Variants in UNC13B observed in about 807,000 individuals in gnomAD.
The protein encoded by UNC13B is protein unc-13 homolog B.
A neutral mutation model predicts 211.0 loss-of-function variants in UNC13B; 144 were observed. That is an observed-to-expected ratio of 0.68 (90% CI 0.60 to 0.78). UNC13B has a LOEUF of 0.78. Ranked by LOEUF, UNC13B falls within the 30% of genes least tolerant of loss-of-function variation. UNC13B has a pLI of 0.00. For missense variants in UNC13B, 1,777 were observed against 2,002.0 expected (o/e 0.89, Z 2.14); for synonymous variants, 709 against 725.8 (o/e 0.98, Z 0.37).
At chr9:35,259,274 T>G (rs1000528276) in intron 7 of UNC13B, among the ~76,000 whole-genome samples, 1 of 152,178 alleles carries the variant, frequency 6.6e-6, no homozygotes, top group South Asian at 2.1e-4. Context: ...TCATCTTTTT[T>G]TCTACATTTG....
chr9:35,378,390 A>T lies in UNC13B; in HGVS notation c.10159A>T (p.Thr3387Ser). 6.2e-7 allele frequency: 1 copy of T among 1,614,134 alleles called. No homozygotes were observed. Among genetic ancestry groups the T allele is most frequent in the Non-Finnish European group, 8.5e-7 (1 of 1,180,018 alleles). ...CAGCAAAACTAAGAAGCGTACCAAG[A>T]CCATTTTTGGAAACTTGAATCCTGT... ...QVSKTKKRTK[T>S]IFGNLNPVWE... Residue 3387 changes from threonine to serine, a missense_variant, in exon 17 of 40, where the codon ACC becomes TCC. Physicochemically the swap from Thr to Ser is moderately conservative, Grantham distance 58. Coordinates refer to ENST00000635942, the MANE Select transcript of UNC13B (RefSeq NM_001371189.2).
chr9:35,380,421 T>C (rs1349744302), intron 17 of UNC13B, 49 bp from the exon 18 acceptor site: 1 of 1,586,860 alleles, frequency 6.3e-7, no homozygotes, highest in African/African-American at 1.3e-5. Context: ...TAACAGGATT[T>C]GGCGCTACTG....
At chr9:35,204,957 T>C (rs1823555386) in intron 1 of UNC13B, among the ~76,000 whole-genome samples, 1 of 152,194 alleles carries the variant, frequency 6.6e-6, no homozygotes, top group African/African-American at 2.4e-5. Context: ...CCCACAAATC[T>C]CATGTTGAAT....
At position 35,364,508 on chromosome 9, in the gene UNC13B, C is replaced by T. The variant is rs1267307933; in HGVS notation, c.9415-2439C>T. On this transcript the variant is annotated intron_variant, in intron 11 of 39. Coordinates refer to ENST00000635942, the MANE Select transcript of UNC13B (RefSeq NM_001371189.2). ...TACTTATAGGACTGACTCTACTAAC[C>T]TTTCTGCCCTTTTTTCTGCTCTTTC... 6.5e-6 allele frequency: 10 copies of T among 1,535,806 alleles called. No homozygotes were observed. The South Asian group carries it at 9.5e-5, about 15-fold the overall frequency.
At chr9:35,364,091 T>G (rs1459519944) in intron 11 of UNC13B, among the ~76,000 whole-genome samples, 1 of 152,124 alleles carries the variant, frequency 6.6e-6, no homozygotes, top group East Asian at 1.9e-4. Context: ...CACCAGGGCC[T>G]TTGGAGTTTG....
chr9:35,339,708 C>T (rs187780480), intron 11 of UNC13B, among the ~76,000 whole-genome samples: 3 of 152,360 alleles, frequency 2.0e-5, no homozygotes, highest in South Asian at 2.1e-4. Context: ...GTGCTAACCA[C>T]GTCTTCTACT....
intron 11 of UNC13B, among the ~76,000 whole-genome samples, chr9:35,348,634 A>G (rs992163424): frequency 1.3e-5 from 2 of 152,090 alleles, no homozygotes; most frequent in Non-Finnish European, 2.9e-5. Context: ...TACTTTGTTG[A>G]CTCAGGGACT....
rs148288609 is a variant in UNC13B at position 35,204,416 on chromosome 9, G to T, written c.23-23599G>T. Among the ~76,000 whole-genome samples, 443 of 152,328 alleles carry T rather than the reference G, an allele frequency of 2.9e-3. 2 individuals are homozygous for T. The highest frequency in any genetic ancestry group is 4.9e-3 in the Non-Finnish European group (336 of 68,024). On this transcript the variant is annotated intron_variant, in intron 1 of 39. Transcript: ENST00000635942. ...GAGGGCCACTGTCTTTGAGAACCTA[G>T]AATGGTAGATCCATTGGCAACTTGC... is the stretch of plus-strand genomic sequence containing the variant.
intron 1 of UNC13B, among the ~76,000 whole-genome samples, chr9:35,220,034 CT>C (rs1376058721): frequency 6.6e-6 from 1 of 151,868 alleles, no homozygotes; most frequent in African/African-American, 2.4e-5. Flanking sequence ...TTAATTTTGT[CT>C]TTTTGTATGA....
rs778767174 is a variant in UNC13B, at chr9:35,399,680, T to A, written c.12287T>A (p.Leu4096His). The A allele has an allele frequency of 6.2e-7, 1 of 1,614,070 alleles. No homozygotes were observed. Residue 4096 changes from leucine to histidine, a missense_variant, in exon 36 of 40, where the codon CTC becomes CAC. Physicochemically the swap from Leu to His is moderately conservative, Grantham distance 99. Coordinates refer to ENST00000635942, the MANE Select transcript of UNC13B (RefSeq NM_001371189.2). ...ATGGTACGAGAGGAAACACGGAATC[T>A]CACTCCAAAGCAGTGTGCAGTCCTT... Reference protein sequence around the residue: ...DHMVREETRNLTPKQCAVLDL... With the variant: ...DHMVREETRNHTPKQCAVLDL...
chr9:35,207,165 G>T (rs538737725), intron 1 of UNC13B, among the ~76,000 whole-genome samples: 1 of 152,036 alleles, frequency 6.6e-6, no homozygotes, highest in Non-Finnish European at 1.5e-5. Context: ...CATCCTAATG[G>T]GTGTGAAATG....
At chr9:35,255,473 C>A (rs981035871) in intron 6 of UNC13B, among the ~76,000 whole-genome samples, 1 of 152,024 alleles carries the variant, frequency 6.6e-6, no homozygotes, top group African/African-American at 2.4e-5. Flanking sequence ...CAGGAGACTG[C>A]AGTTTTATTA....
Position 35,272,767 on chromosome 9 carries a change from T to A in UNC13B, c.526+13717T>A, listed in dbSNP as rs373797815. Among the ~76,000 whole-genome samples the A allele has an allele frequency of 7.5e-4, 115 of 152,364 alleles. 1 individual carries two copies. In the South Asian group the frequency reaches 0.019, roughly 25 times the overall value. ...ATTGTTGAGATTGACATAGTTTAGT[T>A]CAACAATACCAGTGATTCCTTCACT... On this transcript the variant is annotated intron_variant, in intron 7 of 39. Coordinates refer to ENST00000635942, the MANE Select transcript of UNC13B (RefSeq NM_001371189.2).
chr9:35,231,217 G>T lies in UNC13B; in HGVS notation c.150G>T (p.Met50Ile). 6.2e-7 allele frequency: 1 copy of T among 1,608,132 alleles called. No homozygotes were observed. Among genetic ancestry groups the T allele is most frequent in the Non-Finnish European group, 8.5e-7 (1 of 1,174,784 alleles). ...AGCCTTCCTGGGAACAGGATTTCAT[G>T]TTGTAAGTATTTTGCAGCAGCAGTG... ...GDQPSWEQDF[M>I]FEISRLDLGL... is the part of the protein sequence containing the mutation. Residue 50 changes from methionine (M) to isoleucine (I), a missense_variant and splice_region_variant, in exon 3 of 40, where the codon ATG becomes ATT. Met to Ile is a conservative substitution (Grantham distance 10). Coordinates refer to ENST00000635942, the MANE Select transcript of UNC13B (RefSeq NM_001371189.2).
At chr9:35,390,864 C>T (rs992340926) in intron 26 of UNC13B, 150 bp downstream of exon 26, 55 of 781,636 alleles carry the variant, frequency 7.0e-5, no homozygotes, top group African/African-American at 6.9e-4. Flanking sequence ...ATGTAGGCCC[C>T]GGGAGACCTT....
chr9:35,329,790 T>C (rs920463425), intron 11 of UNC13B, among the ~76,000 whole-genome samples: 3 of 152,194 alleles, frequency 2.0e-5, no homozygotes, highest in African/African-American at 4.8e-5. Context: ...AAATAAATTT[T>C]AGTTGGTTAA....
At chr9:35,287,258 G>A (rs909365017) in intron 7 of UNC13B, among the ~76,000 whole-genome samples, 3 of 151,572 alleles carry the variant, frequency 2.0e-5, no homozygotes, top group African/African-American at 7.3e-5. Flanking sequence ...TCAGTCTCCC[G>A]AGTAGCTGGG....
rs555201996 is a variant in UNC13B at position 35,247,385 on chromosome 9, G to A, written c.468+4021G>A. ...GATTGCCCTGGCCAGAACTTCCAAC[G>A]CTATGTTGAATAGGAGTGGTGAGAG... On this transcript the variant is annotated intron_variant, in intron 6 of 39. Transcript: ENST00000635942. Among the ~76,000 whole-genome samples the A allele has an allele frequency of 6.7e-3, 1,020 of 152,118 alleles. 12 individuals carry two copies. Among genetic ancestry groups the A allele is most frequent in the African/African-American group, 0.023 (939 of 41,510 alleles).
At chr9:35,289,498 A>C (rs1828976466) in intron 7 of UNC13B, among the ~76,000 whole-genome samples, 1 of 152,196 alleles carries the variant, frequency 6.6e-6, no homozygotes, top group African/African-American at 2.4e-5. Context: ...CTAGTTGCTC[A>C]CCATCTTCCA....
Sources: allele counts gnomAD v4.1 joint callset (sites outside exome capture counted in the v4.1 genomes callset), GRCh38; gene constraint gnomAD v4.1.1; transcripts MANE v1.5; gene names NCBI Gene and HGNC (gene_info 2026-07-23, HGNC 2026-07-21).